Variants in ARFIP1 observed in about 807,000 individuals in gnomAD.
The protein encoded by ARFIP1 is arfaptin-1.
A neutral mutation model predicts 42.5 loss-of-function variants in ARFIP1; 24 were observed. That is an observed-to-expected ratio of 0.57 (90% CI 0.41 to 0.80). The LOEUF (loss-of-function observed/expected upper bound fraction) is 0.80. Among genes scored for constraint, ARFIP1 ranks in the 30% least tolerant of loss-of-function variants. The pLI, the probability that ARFIP1 is intolerant of heterozygous loss-of-function variation, is 0.00. For synonymous variants in ARFIP1, 141 were observed against 153.7 expected, an observed-to-expected ratio of 0.92 and a Z score of 0.61; for missense variants, 354 against 434.0, an observed-to-expected ratio of 0.82 and a Z score of 1.64.
chr4:152,839,358 C>A (rs1464897191), intron 2 of ARFIP1, among the ~76,000 whole-genome samples: 2 of 152,118 alleles, frequency 1.3e-5, no homozygotes, highest in African/African-American at 4.8e-5. Context: ...AGGATTGGTA[C>A]CAATTCTGTG....
At chr4:152,822,705 T>C (rs915929488) in intron 1 of ARFIP1, among the ~76,000 whole-genome samples, 4 of 152,208 alleles carry the variant, frequency 2.6e-5, no homozygotes, top group African/African-American at 4.8e-5. Flanking sequence ...CAGAATTATA[T>C]CAGGTATCTT....
intron 8 of ARFIP1, among the ~76,000 whole-genome samples, chr4:152,891,159 A>T: frequency 6.6e-6 from 1 of 152,338 alleles, no homozygotes; most frequent in East Asian, 1.9e-4. Flanking sequence ...GGTGATTAGT[A>T]CCTTCTAATA....
At chr4:152,783,584 T>C (rs1730628224) in intron 1 of ARFIP1, among the ~76,000 whole-genome samples, 1 of 152,206 alleles carries the variant, frequency 6.6e-6, no homozygotes, top group South Asian at 2.1e-4. Context: ...AGTGCATGGC[T>C]CCACCTACGT....
intron 1 of ARFIP1, among the ~76,000 whole-genome samples, chr4:152,824,999 A>T (rs1286993202): frequency 1.3e-5 from 2 of 151,766 alleles, no homozygotes; most frequent in African/African-American, 4.8e-5. Flanking sequence ...ACACATACAT[A>T]TACACACACA....
chr4:152,789,080 CTTTTTTTTTT>C (rs71598215), intron 1 of ARFIP1, among the ~76,000 whole-genome samples: 5 of 71,862 alleles, frequency 7.0e-5, no homozygotes, highest in Admixed American at 2.9e-4. Flanking sequence ...AGAATACAGA[CTTTTTTTTTT>C]TTTTTTTTTT....
intron 2 of ARFIP1, among the ~76,000 whole-genome samples, chr4:152,841,331 G>A (rs1732057877): frequency 6.6e-6 from 1 of 152,186 alleles, no homozygotes; most frequent in Admixed American, 6.5e-5. Context: ...ACCGTGCCAG[G>A]CCAGTTCTGT....
chr4:152,816,957 C>T (rs1729941596), intron 1 of ARFIP1, among the ~76,000 whole-genome samples: 1 of 152,176 alleles, frequency 6.6e-6, no homozygotes, highest in South Asian at 2.1e-4. Flanking sequence ...TCTTATTGCT[C>T]ACAACATTGT....
intron 2 of ARFIP1, among the ~76,000 whole-genome samples, chr4:152,844,064 A>G (rs1732340501): frequency 6.6e-6 from 1 of 152,122 alleles, no homozygotes; most frequent in Non-Finnish European, 1.5e-5. Context: ...ATGGCCTGCT[A>G]GGGGACCCAG....
At chr4:152,788,682 AAAAAAC>A (rs1483282660) in intron 1 of ARFIP1, among the ~76,000 whole-genome samples, 5 of 152,358 alleles carry the variant, frequency 3.3e-5, no homozygotes, top group South Asian at 2.1e-4. Context: ...CTCCATCTCA[AAAAAAC>A]AAAAACAAAA....
intron 7 of ARFIP1, among the ~76,000 whole-genome samples, chr4:152,884,037 C>A (rs1220992916): frequency 6.6e-6 from 1 of 151,972 alleles, no homozygotes; most frequent in East Asian, 1.9e-4. Context: ...TATTTCCTTA[C>A]ACTTCAATTA....
At chr4:152,879,073 G>A (rs1235803850) in intron 5 of ARFIP1, among the ~76,000 whole-genome samples, 1 of 151,874 alleles carries the variant, frequency 6.6e-6, no homozygotes, top group African/African-American at 2.4e-5. Context: ...AGGAGTGTTT[G>A]TACGTTTTCC....
At chr4:152,898,290 C>T (rs577798352) in intron 8 of ARFIP1, among the ~76,000 whole-genome samples, 1 of 152,156 alleles carries the variant, frequency 6.6e-6, no homozygotes, top group South Asian at 2.1e-4. Flanking sequence ...CTGCAATGTT[C>T]TTTTTAACCT....
chr4:152,846,371 G>A (rs991280383), intron 2 of ARFIP1, among the ~76,000 whole-genome samples: 19 of 151,814 alleles, frequency 1.3e-4, no homozygotes, highest in Non-Finnish European at 2.6e-4. Flanking sequence ...GAAATTAAAC[G>A]CACACACACG....
At chr4:152,819,667 T>G (rs539605511) in intron 1 of ARFIP1, among the ~76,000 whole-genome samples, 15 of 152,272 alleles carry the variant, frequency 9.9e-5, no homozygotes, top group African/African-American at 2.9e-4. Context: ...CAAAGGAAAC[T>G]AGACTGCAGG....
At chr4:152,789,836 T>A (rs1412921774) in intron 1 of ARFIP1, among the ~76,000 whole-genome samples, 1 of 152,196 alleles carries the variant, frequency 6.6e-6, no homozygotes, top group Non-Finnish European at 1.5e-5. Flanking sequence ...TTGTTTTGTT[T>A]GTTTGTTTGT....
intron 1 of ARFIP1, among the ~76,000 whole-genome samples, chr4:152,812,095 A>G (rs1221073395): frequency 6.6e-6 from 1 of 152,246 alleles, no homozygotes; most frequent in Non-Finnish European, 1.5e-5. Context: ...CAAACCCGGA[A>G]CAATACATAG....
In ARFIP1 at chr4:152,822,901, C is replaced by A. The variant is rs973346194; in HGVS notation, c.-9-6724C>A. On this transcript the variant is annotated intron_variant, in intron 1 of 8. Coordinates refer to ENST00000353617, the MANE Select transcript of ARFIP1 (RefSeq NM_001025595.3). ...ACAAGTTTTCAGAACTTCTGGGATA[C>A]AGCAAAAGCAGTGCTAACAAATGTG... 1.3e-5 allele frequency among the ~76,000 whole-genome samples: 2 copies of A among 152,100 alleles called. 1 individual carries two copies. The highest frequency in any genetic ancestry group is 2.9e-5 in the Non-Finnish European group (2 of 68,010).
At chr4:152,887,436 C>G (rs1291178044) in intron 7 of ARFIP1, among the ~76,000 whole-genome samples, 1 of 151,918 alleles carries the variant, frequency 6.6e-6, no homozygotes, top group Admixed American at 6.6e-5. Context: ...GTCTGGTGAG[C>G]ACTTGAAATG....
chr4:152,790,991 G>A (rs1578803358), intron 1 of ARFIP1, among the ~76,000 whole-genome samples: 1 of 151,916 alleles, frequency 6.6e-6, no homozygotes, highest in African/African-American at 2.4e-5. Context: ...ACTGGCCTTG[G>A]CCTCCCAAAG....
Sources: allele counts gnomAD v4.1 joint callset (sites outside exome capture counted in the v4.1 genomes callset), GRCh38; gene constraint gnomAD v4.1.1; transcripts MANE v1.5; gene names NCBI Gene and HGNC (gene_info 2026-07-23, HGNC 2026-07-21).